The following KCNQ5 variants were observed in gnomAD, a reference collection of about 807,000 sequenced individuals.
The protein encoded by KCNQ5 is potassium voltage-gated channel subfamily KQT member 5.
In KCNQ5, 30 loss-of-function variants were observed where a neutral mutation model predicts 98.2. The observed-to-expected ratio is 0.31, with a 90% CI of 0.23 to 0.41. KCNQ5 has a LOEUF of 0.41. Ranked by LOEUF, KCNQ5 falls within the 10% of genes least tolerant of loss-of-function variation. The pLI, the probability that KCNQ5 is intolerant of heterozygous loss-of-function variation, is 1.00. For synonymous variants in KCNQ5, 458 were observed against 449.4 expected (o/e 1.02, Z -0.24); for missense variants, 835 against 1,182.5 (o/e 0.71, Z 4.31).
chr6:73,124,524 C>T lies in KCNQ5; in HGVS notation c.1247+12C>T. On this transcript the variant is annotated intron_variant, in intron 9 of 13. Coordinates refer to ENST00000370398, the MANE Select transcript of KCNQ5 (RefSeq NM_019842.4). ...GAAGCATCAAGCAGGTTTGTGATTT[C>T]TCTCTTGCTACATGTTTGTTTATAA... 1.9e-6 allele frequency: 3 copies of T among 1,612,676 alleles called. No homozygotes were observed. The highest frequency in any genetic ancestry group is 2.5e-6 in the Non-Finnish European group (3 of 1,178,778).
chr6:73,088,842 C>T (rs1313489039), intron 5 of KCNQ5, among the ~76,000 whole-genome samples: 1 of 152,188 alleles, frequency 6.6e-6, no homozygotes, highest in Non-Finnish European at 1.5e-5. Flanking sequence ...TTTCCTTTTA[C>T]CTCAATCAAT....
chr6:73,024,744 A>G (rs1770795915), intron 2 of KCNQ5, among the ~76,000 whole-genome samples: 1 of 152,176 alleles, frequency 6.6e-6, no homozygotes, highest in Non-Finnish European at 1.5e-5. Context: ...ATGAACAAAA[A>G]CATTATTCAA....
intron 1 of KCNQ5, among the ~76,000 whole-genome samples, chr6:72,783,502 A>C (rs932006770): frequency 6.6e-6 from 1 of 152,242 alleles, no homozygotes; most frequent in African/African-American, 2.4e-5. Flanking sequence ...AGATAAAGTT[A>C]CCTGTCAGTG....
At chr6:72,865,485 C>A (rs964485730) in intron 1 of KCNQ5, among the ~76,000 whole-genome samples, 2 of 152,088 alleles carry the variant, frequency 1.3e-5, no homozygotes, top group African/African-American at 2.4e-5. Flanking sequence ...GTCCTGTCAC[C>A]ATTCTTCTCT....
intron 1 of KCNQ5, among the ~76,000 whole-genome samples, chr6:72,868,527 G>C (rs1431964374): frequency 6.6e-6 from 1 of 152,178 alleles, no homozygotes; most frequent in African/African-American, 2.4e-5. Flanking sequence ...GTTGTTCAAA[G>C]AGTGGACCTA....
In KCNQ5 at chr6:72,914,825, G is replaced by A. The variant is rs9293916; in HGVS notation, c.399-89083G>A. Among the ~76,000 whole-genome samples the A allele has an allele frequency of 2.4e-3, 365 of 151,772 alleles. 1 individual carries two copies. The highest frequency in any genetic ancestry group is 8.6e-3 in the African/African-American group (355 of 41,368). On this transcript the variant is annotated intron_variant, in intron 1 of 13. Coordinates refer to ENST00000370398, the MANE Select transcript of KCNQ5 (RefSeq NM_019842.4). ...CCTTACATTCGGGTCTCAAGCCAGG[G>A]GGCTCGGGCAGTAATGTATTATACC...
At chr6:72,831,177 C>T (rs1776249130) in intron 1 of KCNQ5, among the ~76,000 whole-genome samples, 1 of 152,158 alleles carries the variant, frequency 6.6e-6, no homozygotes. Flanking sequence ...GTGGCGATTC[C>T]TCAAGGATCT....
At chr6:73,004,141 C>T (rs1416884785) in intron 2 of KCNQ5, 143 bp downstream of exon 2, 2 of 560,042 alleles carry the variant, frequency 3.6e-6, no homozygotes, top group Non-Finnish European at 6.4e-6. Context: ...ATTACTGAAA[C>T]ATTTGCCCAC....
chr6:72,998,263 C>T (rs1407940253), intron 1 of KCNQ5, among the ~76,000 whole-genome samples: 1 of 152,138 alleles, frequency 6.6e-6, no homozygotes, highest in Non-Finnish European at 1.5e-5. Flanking sequence ...CTCTCAAGGT[C>T]CCCTGTCAAA....
rs561146961 is a variant in KCNQ5 at position 72,622,810 on chromosome 6, T to C, written c.398+223T>C. On this transcript the variant is annotated intron_variant, in intron 1 of 13. Transcript: ENST00000370398. This position sits in a 1 kb window ranked among gnomAD's most constrained non-coding sequence, Gnocchi z 6.0. ...GAACCTTTTCCCCGAGGACACCCAA[T>C]GAACTGCCCGGTAGCTTCAGGCTCC... 1.4e-4 allele frequency among the ~76,000 whole-genome samples: 22 copies of C among 152,072 alleles called. No individual in the cohort carries two copies. The highest frequency in any genetic ancestry group is 5.1e-4 in the African/African-American group (21 of 41,514).
intron 1 of KCNQ5, among the ~76,000 whole-genome samples, chr6:72,657,110 T>A (rs1162557413): frequency 1.3e-5 from 2 of 152,088 alleles, no homozygotes; most frequent in Non-Finnish European, 2.9e-5. Context: ...CTCAAGAGAT[T>A]GAGGCAAGAG....
chr6:72,805,552 T>C (rs916298296), intron 1 of KCNQ5, among the ~76,000 whole-genome samples: 1 of 152,170 alleles, frequency 6.6e-6, no homozygotes, highest in African/African-American at 2.4e-5. Context: ...GCCATTACCA[T>C]GCTGTTTGGG....
intron 2 of KCNQ5, 44 bp from the exon 3 acceptor site, chr6:73,041,892 G>C (rs766321732): frequency 1.2e-6 from 2 of 1,612,020 alleles, no homozygotes; most frequent in East Asian, 4.5e-5. Flanking sequence ...ACTGTGGTTT[G>C]CTCCATAATG....
chr6:73,112,963 A>ATTT (rs59707829), intron 7 of KCNQ5, among the ~76,000 whole-genome samples: 1 of 149,436 alleles, frequency 6.7e-6, no homozygotes, highest in African/African-American at 2.4e-5. Context: ...ATTTTTTACA[A>ATTT]TTTTTTTTTT....
chr6:72,655,455 G>A (rs1447932882), intron 1 of KCNQ5, among the ~76,000 whole-genome samples: 7 of 152,116 alleles, frequency 4.6e-5, no homozygotes, highest in Non-Finnish European at 1.0e-4. Context: ...AGGAGAGACA[G>A]AGCATCTGGT....
At chr6:73,088,683 A>G (rs1774095873) in intron 5 of KCNQ5, among the ~76,000 whole-genome samples, 1 of 152,216 alleles carries the variant, frequency 6.6e-6, no homozygotes, top group Non-Finnish European at 1.5e-5. Flanking sequence ...ACATTTCTGC[A>G]TTAGTCATAC....
intron 3 of KCNQ5, among the ~76,000 whole-genome samples, chr6:73,071,878 A>G (rs9351967): frequency 6.6e-6 from 1 of 152,086 alleles, no homozygotes; most frequent in East Asian, 1.9e-4. Flanking sequence ...TAATTGGTTA[A>G]TTAAATAAAT....
intron 1 of KCNQ5, among the ~76,000 whole-genome samples, chr6:72,786,078 T>G (rs918816750): frequency 6.6e-6 from 1 of 152,200 alleles, no homozygotes; most frequent in Non-Finnish European, 1.5e-5. Context: ...ATATGCAAAA[T>G]ATTACTATTT....
At chr6:72,801,625 C>T (rs1287564535) in intron 1 of KCNQ5, among the ~76,000 whole-genome samples, 2 of 134,960 alleles carry the variant, frequency 1.5e-5, no homozygotes, top group Non-Finnish European at 3.1e-5. Flanking sequence ...AGTCCATTTA[C>T]ATTTAAAGTT....
Sources: allele counts gnomAD v4.1 joint callset (sites outside exome capture counted in the v4.1 genomes callset), GRCh38; gene constraint gnomAD v4.1.1; non-coding constraint Gnocchi (gnomAD v3.1); transcripts MANE v1.5; gene names NCBI Gene and HGNC (gene_info 2026-07-23, HGNC 2026-07-21).